The following GALNT2 variants were observed in gnomAD, a reference collection of about 807,000 sequenced individuals.
GALNT2 encodes the protein UDP-GalNAc:polypeptide N-acetylgalactosaminyltransferase 2.
Under a neutral mutation model 81.4 loss-of-function variants are expected in GALNT2, and 31 were observed. The observed-to-expected ratio is 0.38, with a 90% confidence interval of 0.29 to 0.51. The LOEUF is 0.51. Ranked by LOEUF, GALNT2 falls within the 20% of genes least tolerant of loss-of-function variation. The pLI is 0.87. For synonymous variants in GALNT2, 303 were observed against 287.4 expected (o/e 1.05, Z -0.55); for missense variants, 629 against 765.7 (o/e 0.82, Z 2.11).
chr1:230,128,159 T>C (rs11122360), intron 1 of GALNT2, among the ~76,000 whole-genome samples: 38,465 of 152,010 alleles, frequency 0.25, 5,221 homozygotes, highest in East Asian at 0.4. Context: ...CTCTTAGTAC[T>C]CTTCTGGCCA....
intron 1 of GALNT2, among the ~76,000 whole-genome samples, chr1:230,068,933 T>G (rs1270713107): frequency 6.6e-6 from 1 of 152,210 alleles, no homozygotes; most frequent in Non-Finnish European, 1.5e-5. Flanking sequence ...CATTCAGAGA[T>G]ATAATCGTGT....
intron 13 of GALNT2, chr1:230,263,246 C>T: frequency 3.9e-6 from 2 of 509,768 alleles, no homozygotes; most frequent in East Asian, 3.4e-5. Context: ...GAGGCAGTCC[C>T]CCGGGCCTCA....
At position 230,163,521 on chromosome 1, in the gene GALNT2, A is replaced by C. The variant is rs537662250; in HGVS notation, c.127-14697A>C. Among the ~76,000 whole-genome samples the C allele has an allele frequency of 2.1e-4, 32 of 152,344 alleles. No homozygotes were observed. In the South Asian group the frequency reaches 6.2e-3, roughly 30 times the overall value. Reference sequence around the variant, plus strand: ...TTTTGTTGAGAGCCTTCTGTGTGTCAGACACTGCTAGCATCATCATGTATG... The same window carrying C: ...TTTTGTTGAGAGCCTTCTGTGTGTCCGACACTGCTAGCATCATCATGTATG... On this transcript the variant is annotated intron_variant, in intron 1 of 15. Transcript: ENST00000366672.
chr1:230,124,600 A>G (rs1661117234), intron 1 of GALNT2, among the ~76,000 whole-genome samples: 1 of 152,192 alleles, frequency 6.6e-6, no homozygotes, highest in Non-Finnish European at 1.5e-5. Context: ...AGCACTTCTC[A>G]TTGGAGTGAT....
At chr1:230,236,864 C>A (rs1287429849) in intron 6 of GALNT2, 139 bp downstream of exon 6, 2 of 684,840 alleles carry the variant, frequency 2.9e-6, no homozygotes, top group Non-Finnish European at 4.7e-6. Flanking sequence ...GCTTGGGAGA[C>A]TTCTCCCAGC....
intron 1 of GALNT2, among the ~76,000 whole-genome samples, chr1:230,076,573 A>C (rs989716589): frequency 6.6e-6 from 1 of 152,178 alleles, no homozygotes; most frequent in Non-Finnish European, 1.5e-5. Context: ...TGTGATAGAT[A>C]GTATTGTACT....
At chr1:230,127,418 C>T (rs561677680) in intron 1 of GALNT2, among the ~76,000 whole-genome samples, 1 of 152,132 alleles carries the variant, frequency 6.6e-6, no homozygotes, top group Non-Finnish European at 1.5e-5. Flanking sequence ...GCACTCTCAC[C>T]AGGCAGGAGT....
At chr1:230,118,002 T>G (rs1488265268) in intron 1 of GALNT2, among the ~76,000 whole-genome samples, 1 of 152,232 alleles carries the variant, frequency 6.6e-6, no homozygotes, top group Non-Finnish European at 1.5e-5. Context: ...GTCTGTGTGC[T>G]CCCTGTTCAT....
In GALNT2 at chr1:230,138,552, GAAGA is replaced by G. The variant is rs1269579199; in HGVS notation, c.127-39660_127-39657del. Among the ~76,000 whole-genome samples the G allele has an allele frequency of 1.4e-4, 21 of 150,372 alleles. No individual in the cohort carries two copies. In the South Asian group the frequency reaches 4.2e-3, roughly 30 times the overall value. On this transcript the variant is annotated intron_variant, in intron 1 of 15. Coordinates refer to ENST00000366672, the MANE Select transcript of GALNT2 (RefSeq NM_004481.5). ...AAAAAAAAAAAAAAAAAATGAAACAGAAGAAAGAATGGCCACTCCATAGGCAGAG... is the reference window on the plus strand; with the variant it reads ...AAAAAAAAAAAAAAAAAATGAAACAGAAGAATGGCCACTCCATAGGCAGAG...
intron 6 of GALNT2, among the ~76,000 whole-genome samples, chr1:230,242,281 CA>C (rs1468672983): frequency 6.6e-6 from 1 of 152,136 alleles, no homozygotes; most frequent in Non-Finnish European, 1.5e-5. Flanking sequence ...GTTACTGGAG[CA>C]AAGGTTTGCC....
intron 9 of GALNT2, among the ~76,000 whole-genome samples, chr1:230,250,250 G>A (rs1665502180): frequency 1.3e-5 from 2 of 152,256 alleles, no homozygotes; most frequent in Non-Finnish European, 2.9e-5. Flanking sequence ...TCCAGGCAGG[G>A]ACAGTGGGGG....
intron 2 of GALNT2, among the ~76,000 whole-genome samples, chr1:230,184,157 AGTCTCTATCCCTTCT>A (rs1663245182): frequency 6.6e-6 from 1 of 150,798 alleles, no homozygotes; most frequent in African/African-American, 2.4e-5. Context: ...TGTTTGAGGA[AGTCTCTATCCCTTCT>A]TCATCTTTGA....
intron 7 of GALNT2, among the ~76,000 whole-genome samples, chr1:230,244,672 C>G (rs1160654335): frequency 6.6e-6 from 1 of 152,222 alleles, no homozygotes; most frequent in African/African-American, 2.4e-5. Context: ...AGCCTATTAA[C>G]TTTCACTAAA....
chr1:230,168,980 T>G (rs1662702740), intron 1 of GALNT2, among the ~76,000 whole-genome samples: 1 of 152,254 alleles, frequency 6.6e-6, no homozygotes, highest in Non-Finnish European at 1.5e-5. Context: ...GACTTTCCTT[T>G]TTTGTTATGA....
chr1:230,209,367 C>CCCCATCCTGATCCAT (rs2102712062), intron 3 of GALNT2, among the ~76,000 whole-genome samples: 1 of 152,140 alleles, frequency 6.6e-6, no homozygotes, highest in South Asian at 2.1e-4. Flanking sequence ...CCCTGATCCA[C>CCCCATCCTGATCCAT]CTGTCCTACA....
chr1:230,140,003 C>T (rs1335742315), intron 1 of GALNT2, among the ~76,000 whole-genome samples: 1 of 152,234 alleles, frequency 6.6e-6, no homozygotes, highest in East Asian at 1.9e-4. Context: ...CTTCCTCAGA[C>T]ATCCTGCGAC....
At chr1:230,145,921 G>A (rs993423792) in intron 1 of GALNT2, among the ~76,000 whole-genome samples, 8 of 152,228 alleles carry the variant, frequency 5.3e-5, no homozygotes, top group Non-Finnish European at 1.2e-4. Context: ...CTCGCCGCTT[G>A]CATTTTTATT....
upstream of GALNT2, among the ~76,000 whole-genome samples, chr1:230,064,715 T>G (rs141716172): frequency 9.2e-4 from 140 of 152,326 alleles, no homozygotes; most frequent in Middle Eastern, 3.4e-3. Flanking sequence ...TTTCACCACT[T>G]TGGCCAGGCT....
chr1:230,083,704 G>C (rs2102757161), intron 1 of GALNT2, among the ~76,000 whole-genome samples: 1 of 152,320 alleles, frequency 6.6e-6, no homozygotes, highest in South Asian at 2.1e-4. Context: ...GGAGAGTAAG[G>C]AGATGGTCAG....
Sources: gnomAD v4.1 joint callset for allele counts (sites outside exome capture counted in the v4.1 genomes callset) on GRCh38, gnomAD v4.1.1 for gene constraint, MANE v1.5 for transcripts, NCBI Gene and HGNC (gene_info 2026-07-23, HGNC 2026-07-21) for gene names.